Variants in SI observed in about 807,000 individuals in gnomAD.
SI encodes sucrase-isomaltase.
SI carries 235 observed loss-of-function variants against 253.3 expected under a neutral mutation model. The observed-to-expected ratio is 0.93, with a 90% CI of 0.83 to 1.03. The LOEUF is 1.03. Ranked by LOEUF, SI falls within the 50% of genes least tolerant of loss-of-function variation. The pLI is 0.00. For missense variants in SI, 2,442 were observed against 2,211.1 expected (o/e 1.10, Z -2.09); for synonymous variants, 819 against 712.0 (o/e 1.15, Z -2.39).
At chr3:165,005,245 C>CTA (rs1008971054) in intron 37 of SI, among the ~76,000 whole-genome samples, 9 of 151,220 alleles carry the variant, frequency 6.0e-5, no homozygotes, top group African/African-American at 1.9e-4. Flanking sequence ...TTAATGGGTG[C>CTA]TATATATATA....
intron 37 of SI, among the ~76,000 whole-genome samples, chr3:165,006,212 G>A (rs775826408): frequency 1.3e-5 from 2 of 152,154 alleles, no homozygotes; most frequent in Non-Finnish European, 2.9e-5. Flanking sequence ...AGGTCCAAGC[G>A]ATTCTTGTGC....
intron 14 of SI, among the ~76,000 whole-genome samples, 171 bp downstream of exon 14, chr3:165,049,620 A>T (rs1275051562): frequency 6.6e-6 from 1 of 152,114 alleles, no homozygotes; most frequent in African/African-American, 2.4e-5. Flanking sequence ...TGTCTATTTA[A>T]ATATAATCCT....
chr3:165,006,585 G>A (rs1718520363), intron 37 of SI, among the ~76,000 whole-genome samples: 2 of 152,016 alleles, frequency 1.3e-5, no homozygotes, highest in African/African-American at 4.8e-5. Context: ...AATGGTCTAG[G>A]ATTTATTTTG....
At chr3:165,088,757 G>A in the SI span, among the ~76,000 whole-genome samples, 1 of 150,456 alleles carries the variant, frequency 6.6e-6, no homozygotes, top group Non-Finnish European at 1.5e-5. Flanking sequence ...ACATTTTAAA[G>A]GTTTTTTTTT....
chr3:165,013,370 A>G (rs1411399659), intron 33 of SI, among the ~76,000 whole-genome samples: 1 of 152,148 alleles, frequency 6.6e-6, no homozygotes, highest in Non-Finnish European at 1.5e-5. Context: ...AATTTAATAT[A>G]GTATATTAGA....
intron 41 of SI, among the ~76,000 whole-genome samples, chr3:164,992,964 A>C (rs1159586783): frequency 6.6e-6 from 1 of 151,660 alleles, no homozygotes; most frequent in Non-Finnish European, 1.5e-5. Flanking sequence ...TTAATGGCTT[A>C]AGAGCCACTA....
In SI at chr3:165,074,522, G is replaced by A; in HGVS notation, c.255+9C>T. On this transcript the variant is annotated intron_variant, in intron 3 of 47. Coordinates refer to ENST00000264382, the MANE Select transcript of SI (RefSeq NM_001041.4). ...TTCATTAAAAATATTAAAGACTTTT[G>A]CTGCAGACCTCTGTTGGGAATTGTT... 1 of 1,584,214 alleles carries A rather than the reference G, an allele frequency of 6.3e-7. No individual in the cohort carries two copies. Among genetic ancestry groups the A allele is most frequent in the Non-Finnish European group, 8.6e-7 (1 of 1,160,770 alleles).
chr3:165,054,934 C>T (rs1713621730), intron 13 of SI, among the ~76,000 whole-genome samples: 1 of 151,966 alleles, frequency 6.6e-6, no homozygotes, highest in South Asian at 2.1e-4. Context: ...GGAACAAAAC[C>T]TTGCATACAG....
chr3:164,980,055 G>C (rs1717106950), intron 47 of SI, among the ~76,000 whole-genome samples: 1 of 151,604 alleles, frequency 6.6e-6, no homozygotes. Flanking sequence ...GCTCCTTTTT[G>C]TCCAATGAAC....
Position 165,058,979 on chromosome 3 carries a change from G to T in SI, c.1382C>A (p.Thr461Lys). 6.2e-7 allele frequency: 1 copy of T among 1,610,768 alleles called. No individual in the cohort carries two copies. The highest frequency in any genetic ancestry group is 1.7e-5 in the Admixed American group (1 of 59,732). Residue 461 changes from threonine (T) to lysine (K), a missense_variant, in exon 12 of 48, where the codon ACA becomes AAA. Thr to Lys is a moderately conservative substitution (Grantham distance 78, BLOSUM62 -1). Transcript: ENST00000264382. Reference protein sequence around the residue: ...HVWINESDGSTPIIGEVWPGL... With the variant: ...HVWINESDGSKPIIGEVWPGL... ...ATATTTTACCTCTCCAATAATTGGT[G>T]TACTTCCATCTGACTCATTTATCCA... is the stretch of plus-strand genomic sequence containing the variant.
chr3:165,033,574 A>G, intron 22 of SI, 130 bp from the exon 23 acceptor site: 3 of 928,170 alleles, frequency 3.2e-6, no homozygotes, highest in Non-Finnish European at 4.2e-6. Flanking sequence ...TCCCAAACAG[A>G]TTTTGTTTTT....
Position 165,036,452 on chromosome 3 carries a change from C to T in SI, c.2452G>A (p.Val818Ile). Residue 818 changes from valine (V) to isoleucine (I), a missense_variant, in exon 22 of 48, where the codon GTC (valine) becomes ATC (isoleucine). Coordinates refer to ENST00000264382, the MANE Select transcript of SI (RefSeq NM_001041.4). ...ASRKNPLGLI[V>I]ALGENNTAKG... ...GCTGTGTTGTTTTCACCTAATGCGA[C>T]TATAAGTCCTAGAGGATTCTTACGG... is the stretch of plus-strand genomic sequence containing the variant. The T allele has an allele frequency of 2.5e-6, 4 of 1,611,150 alleles. No individual in the cohort carries two copies. Among genetic ancestry groups the T allele is most frequent in the Non-Finnish European group, 3.4e-6 (4 of 1,178,098 alleles).
chr3:164,993,780 C>G lies in SI; in HGVS notation c.4841+477G>C, dbSNP rs115173585. Among the ~76,000 whole-genome samples the G allele has an allele frequency of 9.8e-3, 1,479 of 151,654 alleles. 14 individuals are homozygous for G. The highest frequency in any genetic ancestry group is 0.017 in the Admixed American group (255 of 15,192). On this transcript the variant is annotated intron_variant, in intron 41 of 47. Coordinates refer to ENST00000264382, the MANE Select transcript of SI (RefSeq NM_001041.4). ...TGAGCTTTAAGAGGTGAATCCAAAA[C>G]AAATTTATAAGGATAATGTTGAAAC...
intron 37 of SI, 97 bp from the exon 38 acceptor site, chr3:164,998,770 T>C: frequency 2.0e-6 from 2 of 1,024,482 alleles, no homozygotes; most frequent in Non-Finnish European, 1.5e-6. Context: ...TAGTGATTTG[T>C]GGTGCTTATA....
chr3:165,044,647 A>T (rs1200274070), intron 16 of SI, among the ~76,000 whole-genome samples: 1 of 151,978 alleles, frequency 6.6e-6, no homozygotes, highest in African/African-American at 2.4e-5. Context: ...TTCAAATTGA[A>T]TATCATTTAT....
rs1432566455 is a variant in SI, at chr3:164,978,906, CA to C, written c.*455del. On this transcript the variant is annotated 3_prime_UTR_variant, in exon 48 of 48. Coordinates refer to ENST00000264382, the MANE Select transcript of SI (RefSeq NM_001041.4). ...ACAAAATGCACATTTTATACACTTACATTTTTTATTCTCTTTTTCTAATTAA... is the reference window on the plus strand; with the variant it reads ...ACAAAATGCACATTTTATACACTTACTTTTTTATTCTCTTTTTCTAATTAA... 1 of 153,018 alleles carries C rather than the reference CA, an allele frequency of 6.5e-6. No individual in the cohort carries two copies. Among genetic ancestry groups the C allele is most frequent in the Non-Finnish European group, 1.5e-5 (1 of 68,824 alleles). The allele number at this position is 153,018 out of a possible 1,614,324, so 9.5% of individuals were successfully genotyped here. A position where few individuals can be genotyped will look rare whatever the true frequency, so the allele number is the denominator to read the frequency against.
chr3:165,029,590 G>A (rs1271650988), intron 25 of SI, among the ~76,000 whole-genome samples: 3 of 143,852 alleles, frequency 2.1e-5, no homozygotes, highest in South Asian at 2.1e-4. Flanking sequence ...ACATATATAT[G>A]TATATATATA....
chr3:165,088,476 C>T, the SI span, among the ~76,000 whole-genome samples: 3 of 151,976 alleles, frequency 2.0e-5, no homozygotes, highest in African/African-American at 7.2e-5. Flanking sequence ...AACCCCGTCT[C>T]TACTAAAAAC....
chr3:165,038,571 A>AT lies in SI; in HGVS notation c.2301+506_2301+507insA, dbSNP rs1454527431. 4.1e-5 allele frequency among the ~76,000 whole-genome samples: 6 copies of AT among 146,070 alleles called. No individual in the cohort carries two copies. In the East Asian group the frequency reaches 1.2e-3, roughly 30 times the overall value. Reference sequence around the variant, plus strand: ...AAAAAAAAATTCAAAAAAAAAAAATAAATAAATATTGCTCAAAAGGTCTTG... The same window carrying AT: ...AAAAAAAAATTCAAAAAAAAAAAATATAATAAATATTGCTCAAAAGGTCTTG... On this transcript the variant is annotated intron_variant, in intron 20 of 47. Transcript: ENST00000264382.
Sources: allele counts gnomAD v4.1 joint callset (sites outside exome capture counted in the v4.1 genomes callset), GRCh38; gene constraint gnomAD v4.1.1; transcripts MANE v1.5; gene names NCBI Gene and HGNC (gene_info 2026-07-23, HGNC 2026-07-21).